Variants in LRRC36 observed in about 807,000 individuals in gnomAD.
LRRC36 encodes leucine-rich repeat-containing protein 36.
A neutral mutation model predicts 81.1 loss-of-function variants in LRRC36; 62 were observed. The observed-to-expected ratio is 0.76, with a 90% confidence interval of 0.62 to 0.94. LRRC36 has a LOEUF of 0.94. Among genes scored for constraint, LRRC36 ranks in the 40% least tolerant of loss-of-function variants. The pLI is 0.00. For synonymous variants in LRRC36, 334 were observed against 348.6 expected (o/e 0.96, Z 0.47); for missense variants, 761 against 881.7 (o/e 0.86, Z 1.73).
intron 1 of LRRC36, among the ~76,000 whole-genome samples, chr16:67,337,430 C>T (rs1159401830): frequency 2.0e-5 from 3 of 148,100 alleles, no homozygotes; most frequent in South Asian, 2.1e-4. Context: ...TGCAATGGTG[C>T]GACTGCAGCC....
At chr16:67,352,082 A>G (rs2038670481) in intron 5 of LRRC36, among the ~76,000 whole-genome samples, 1 of 152,208 alleles carries the variant, frequency 6.6e-6, no homozygotes, top group Non-Finnish European at 1.5e-5. Flanking sequence ...GTGCCATATT[A>G]CTTCATTAAC....
chr16:67,381,222 C>A (rs1253164494), intron 12 of LRRC36, among the ~76,000 whole-genome samples: 1 of 125,050 alleles, frequency 8.0e-6, no homozygotes, highest in Non-Finnish European at 1.6e-5. Context: ...GAACAAAACT[C>A]TGCCTCAGAA....
intron 5 of LRRC36, among the ~76,000 whole-genome samples, chr16:67,353,692 T>G (rs2038763813): frequency 6.6e-6 from 1 of 152,154 alleles, no homozygotes; most frequent in Admixed American, 6.6e-5. Flanking sequence ...CATTTCTTGA[T>G]AGTCTCTTAC....
intron 1 of LRRC36, among the ~76,000 whole-genome samples, chr16:67,335,962 C>T (rs997457605): frequency 6.6e-6 from 1 of 152,174 alleles, no homozygotes; most frequent in Non-Finnish European, 1.5e-5. Context: ...AAACCCCCAG[C>T]CTCAGGTGAT....
chr16:67,346,389 G>A lies in LRRC36; in HGVS notation c.332G>A (p.Arg111Lys). 1.9e-6 allele frequency: 3 copies of A among 1,613,322 alleles called. No homozygotes were observed. Among genetic ancestry groups the A allele is most frequent in the Non-Finnish European group, 2.5e-6 (3 of 1,179,450 alleles). ...ELDLRLNPVV[R>K]KDTDYRLFAV... ...GATTTGAGACTTAATCCTGTTGTAA[G>A]GAAAGATACAGATTATAGGCTCTTT... The change falls in exon 3 of 14, where the codon AGG becomes AAG. Residue 111 changes from arginine to lysine, a missense_variant. By Grantham distance (26) the Arg-to-Lys change is conservative. This residue lies in a region of LRRC36 where 263 missense variants were observed against 279.3 expected (regional missense o/e 0.94). Transcript: ENST00000329956.
At chr16:67,331,104 AGAGAGAGAG>A (rs1226520086) in intron 1 of LRRC36, among the ~76,000 whole-genome samples, 1 of 148,346 alleles carries the variant, frequency 6.7e-6, no homozygotes, top group Non-Finnish European at 1.5e-5. Flanking sequence ...AGAGAGAGAG[AGAGAGAGAG>A]AAGACTGAAC....
chr16:67,331,311 G>A (rs923144823), intron 1 of LRRC36, among the ~76,000 whole-genome samples: 1 of 151,962 alleles, frequency 6.6e-6, no homozygotes, highest in Admixed American at 6.6e-5. Flanking sequence ...GGAGGATGAG[G>A]CCAGGTATTT....
chr16:67,378,305 T>C (rs2039985855), intron 11 of LRRC36, among the ~76,000 whole-genome samples: 1 of 146,702 alleles, frequency 6.8e-6, no homozygotes, highest in South Asian at 2.2e-4. Flanking sequence ...AATGGCACTT[T>C]CTCAGCTCAC....
chr16:67,339,569 G>A (rs2037931907), intron 1 of LRRC36, among the ~76,000 whole-genome samples: 1 of 152,036 alleles, frequency 6.6e-6, no homozygotes, highest in Non-Finnish European at 1.5e-5. Flanking sequence ...CTCTTTAAGT[G>A]CAGTTAAGTT....
At chr16:67,327,715 G>C (rs1352305338) in intron 1 of LRRC36, among the ~76,000 whole-genome samples, 1 of 152,024 alleles carries the variant, frequency 6.6e-6, no homozygotes, top group African/African-American at 2.4e-5. Context: ...GTGAAAGAAA[G>C]CTTAAGACTC....
intron 1 of LRRC36, among the ~76,000 whole-genome samples, chr16:67,336,943 AT>A (rs901815965): frequency 5.3e-5 from 8 of 150,220 alleles, no homozygotes; most frequent in African/African-American, 1.7e-4. Context: ...AATTTTTTTA[AT>A]TTTTTGTAGA....
chr16:67,368,321 C>T (rs1447004195), intron 8 of LRRC36, among the ~76,000 whole-genome samples: 1 of 152,064 alleles, frequency 6.6e-6, no homozygotes, highest in East Asian at 1.9e-4. Flanking sequence ...ATGGTAAATG[C>T]TGTGAAAAAA....
chr16:67,375,207 T>G (rs576255124), intron 9 of LRRC36, 40 bp from the exon 10 acceptor site: 8 of 1,596,358 alleles, frequency 5.0e-6, no homozygotes, highest in South Asian at 3.3e-5. Context: ...AATGGTTGGG[T>G]TTTTTGTTTG....
intron 1 of LRRC36, among the ~76,000 whole-genome samples, chr16:67,329,825 G>A (rs1253655901): frequency 6.6e-6 from 1 of 152,106 alleles, no homozygotes; most frequent in East Asian, 1.9e-4. Context: ...GGCTGAGGCA[G>A]GAGAATCGCT....
chr16:67,380,785 TG>T (rs2040077823), intron 12 of LRRC36, among the ~76,000 whole-genome samples: 1 of 152,238 alleles, frequency 6.6e-6, no homozygotes, highest in Non-Finnish European at 1.5e-5. Context: ...TTTGCAGCCT[TG>T]TTTTCCACCT....
At chr16:67,371,444 T>G in intron 9 of LRRC36, 1 of 611,660 alleles carries the variant, frequency 1.6e-6, no homozygotes, top group Non-Finnish European at 2.9e-6. Flanking sequence ...CTGCTGCCAT[T>G]TTCTCACCTA....
At chr16:67,372,526 C>T (rs1244324969) in intron 9 of LRRC36, among the ~76,000 whole-genome samples, 1 of 152,120 alleles carries the variant, frequency 6.6e-6, no homozygotes, top group Non-Finnish European at 1.5e-5. Context: ...TCATTTTTCT[C>T]CAGGTTCTAC....
chr16:67,334,167 G>A (rs2037640767), intron 1 of LRRC36, among the ~76,000 whole-genome samples: 1 of 151,710 alleles, frequency 6.6e-6, no homozygotes, highest in Non-Finnish European at 1.5e-5. Context: ...GAGTAGCTGG[G>A]ACTACAGGTG....
intron 1 of LRRC36, among the ~76,000 whole-genome samples, chr16:67,332,636 G>C (rs2037551432): frequency 6.6e-6 from 1 of 152,162 alleles, no homozygotes; most frequent in South Asian, 2.1e-4. Context: ...AATCATTAAA[G>C]AATGTTTGTC....
Sources: allele counts gnomAD v4.1 joint callset (sites outside exome capture counted in the v4.1 genomes callset), GRCh38; gene constraint gnomAD v4.1.1; regional missense constraint gnomAD v4.1.1; transcripts MANE v1.5; gene names NCBI Gene and HGNC (gene_info 2026-07-23, HGNC 2026-07-21).